Variants in NEK1 observed in about 807,000 individuals in gnomAD.
NEK1 encodes serine/threonine-protein kinase Nek1.
Under a neutral mutation model 182.1 loss-of-function variants are expected in NEK1, and 137 were observed. The observed-to-expected ratio is 0.75, with a 90% confidence interval of 0.65 to 0.87. The LOEUF is 0.87. NEK1 is among the 40% of genes least tolerant of loss of function. The pLI is 0.00. For missense variants in NEK1, 1,391 were observed against 1,494.4 expected (o/e 0.93, Z 1.14); for synonymous variants, 513 against 492.2 (o/e 1.04, Z -0.56).
At chr4:169,477,563 TTAC>T in intron 24 of NEK1, 66 bp from the exon 25 acceptor site, 1 of 1,200,126 alleles carries the variant, frequency 8.3e-7, no homozygotes, top group African/African-American at 1.5e-5. Context: ...TTTAAAAATA[TTAC>T]ATCCTCGTTA....
intron 27 of NEK1, among the ~76,000 whole-genome samples, chr4:169,460,879 CTG>C (rs1201555236): frequency 6.6e-6 from 1 of 152,072 alleles, no homozygotes; most frequent in Non-Finnish European, 1.5e-5. Flanking sequence ...ATAAGACAAA[CTG>C]TTATGAAAAT....
At chr4:169,483,008 T>C (rs775545228) in intron 23 of NEK1, among the ~76,000 whole-genome samples, 2 of 152,180 alleles carry the variant, frequency 1.3e-5, no homozygotes, top group Non-Finnish European at 2.9e-5. Context: ...CGCAAGAGGC[T>C]TAATTCTGTG....
At chr4:169,589,661 C>T in intron 6 of NEK1, 147 bp from the exon 7 acceptor site, 1 of 565,840 alleles carries the variant, frequency 1.8e-6, no homozygotes, top group Non-Finnish European at 3.1e-6. Context: ...ATGAAGTCCC[C>T]TACCTCAAAT....
chr4:169,463,669 C>G (rs954289048), intron 26 of NEK1, among the ~76,000 whole-genome samples: 3 of 152,138 alleles, frequency 2.0e-5, no homozygotes, highest in Non-Finnish European at 4.4e-5. Context: ...TTAATACAGA[C>G]TGAGTATCTC....
At chr4:169,451,238 G>A (rs1200887868) in intron 27 of NEK1, among the ~76,000 whole-genome samples, 2 of 152,000 alleles carry the variant, frequency 1.3e-5, no homozygotes, top group African/African-American at 2.4e-5. Context: ...GAGAAAAAAG[G>A]TTAACAAGGA....
chr4:169,436,087 A>T (rs1311953657), intron 28 of NEK1, among the ~76,000 whole-genome samples: 1 of 152,048 alleles, frequency 6.6e-6, no homozygotes, highest in Non-Finnish European at 1.5e-5. Context: ...TATTTTCAGT[A>T]GAGAAGGGGT....
intron 23 of NEK1, among the ~76,000 whole-genome samples, chr4:169,502,256 C>T (rs1341796308): frequency 6.7e-6 from 1 of 149,274 alleles, no homozygotes; most frequent in Non-Finnish European, 1.5e-5. Flanking sequence ...AAAAAAAAAA[C>T]TACCAATCAA....
At chr4:169,415,448 T>C (rs1347653165) in intron 31 of NEK1, among the ~76,000 whole-genome samples, 1 of 152,256 alleles carries the variant, frequency 6.6e-6, no homozygotes, top group Non-Finnish European at 1.5e-5. Context: ...ATTTCTCTCC[T>C]CTGGGGAATA....
chr4:169,423,904 A>G (rs920069917), intron 31 of NEK1, among the ~76,000 whole-genome samples: 5 of 152,216 alleles, frequency 3.3e-5, no homozygotes, highest in African/African-American at 1.2e-4. Context: ...GTATTGTAAT[A>G]ATGGCATTTG....
rs190169367 is a variant in NEK1 at position 169,602,132 on chromosome 4, A to T, written c.118-28T>A. 7.2e-5 allele frequency: 107 copies of T among 1,491,068 alleles called. No individual in the cohort carries two copies. In the East Asian group the frequency reaches 2.3e-3, roughly 32 times the overall value. The allele number at this position is 1,491,068 out of a possible 1,614,324, so 92.4% of individuals were successfully genotyped here. ...TAAATGGGAGGAAAAAGAAAATAGT[A>T]AATGAAACCATTAATAAACAACCTA... On this transcript the variant is annotated intron_variant, in intron 3 of 35. Coordinates refer to ENST00000507142, the MANE Select transcript of NEK1 (RefSeq NM_001199397.3).
At chr4:169,450,055 G>A (rs190890620) in intron 27 of NEK1, among the ~76,000 whole-genome samples, 284 of 152,252 alleles carry the variant, frequency 1.9e-3, no homozygotes, top group Non-Finnish European at 3.4e-3. Flanking sequence ...TAGCTGATTC[G>A]ATCAAGTGGA....
chr4:169,500,301 C>A (rs544214041), intron 23 of NEK1, among the ~76,000 whole-genome samples: 1 of 152,118 alleles, frequency 6.6e-6, no homozygotes, highest in Non-Finnish European at 1.5e-5. Flanking sequence ...CGTCTGTCAC[C>A]CCTTTCTTTG....
intron 28 of NEK1, among the ~76,000 whole-genome samples, chr4:169,435,111 T>A (rs755621041): frequency 6.6e-6 from 1 of 152,202 alleles, no homozygotes. Context: ...GTGGTGTAAA[T>A]AATAGAAACT....
chr4:169,596,302 GTTCT>G (rs750482051), intron 5 of NEK1, among the ~76,000 whole-genome samples: 6 of 152,144 alleles, frequency 3.9e-5, no homozygotes, highest in Non-Finnish European at 7.4e-5. Context: ...GCAAACTCAA[GTTCT>G]TTGTTTAATT....
intron 29 of NEK1, among the ~76,000 whole-genome samples, chr4:169,426,503 G>C (rs984919842): frequency 6.6e-6 from 1 of 152,210 alleles, no homozygotes; most frequent in Non-Finnish European, 1.5e-5. Flanking sequence ...CCCAAACAAC[G>C]GCATAGTAAA....
chr4:169,496,811 T>C (rs1341931878), intron 23 of NEK1, among the ~76,000 whole-genome samples: 1 of 152,142 alleles, frequency 6.6e-6, no homozygotes, highest in African/African-American at 2.4e-5. Flanking sequence ...TTTGCCAGTA[T>C]TTTATTGAGG....
At chr4:169,556,157 G>T in intron 16 of NEK1, 62 bp from the exon 17 acceptor site, 2 of 1,431,266 alleles carry the variant, frequency 1.4e-6, no homozygotes, top group Non-Finnish European at 1.9e-6. Flanking sequence ...GCCTGTACTA[G>T]TCTCAAAAGA....
intron 31 of NEK1, among the ~76,000 whole-genome samples, chr4:169,416,559 T>A (rs534582603): frequency 5.9e-5 from 9 of 152,194 alleles, no homozygotes; most frequent in Non-Finnish European, 1.3e-4. Context: ...ACATTAGGTA[T>A]CACAGATACA....
rs70961598 is a variant in NEK1, at chr4:169,396,365, CAAAAAAAAAAAAAAAAA to C, written c.3848-1859_3848-1843del. On this transcript the variant is annotated intron_variant, in intron 35 of 35. Coordinates refer to ENST00000507142, the MANE Select transcript of NEK1 (RefSeq NM_001199397.3). ...TGGGCGACAGAGCAAGACTCCATCTCAAAAAAAAAAAAAAAAAAAAAAAAAAAAAAAGAAGAATCTAT... is the reference window on the plus strand; with the variant it reads ...TGGGCGACAGAGCAAGACTCCATCTCAAAAAAAAAAAAAAGAAGAATCTAT... Among the ~76,000 whole-genome samples, 147 of 38,064 alleles carry C rather than the reference CAAAAAAAAAAAAAAAAA, an allele frequency of 3.9e-3. 5 individuals are homozygous for C. The Admixed American group carries it at 0.061, about 16-fold the overall frequency. 25.0% of individuals were successfully genotyped at this position (38,064 alleles called of 152,430 possible).
Sources: gnomAD v4.1 joint callset for allele counts (sites outside exome capture counted in the v4.1 genomes callset) on GRCh38, gnomAD v4.1.1 for gene constraint, MANE v1.5 for transcripts, NCBI Gene and HGNC (gene_info 2026-07-23, HGNC 2026-07-21) for gene names.